OLFM3: variants seen among roughly 807,000 people sequenced by gnomAD.
OLFM3 encodes olfactomedin 3.
In OLFM3, 20 loss-of-function variants were observed where a neutral mutation model predicts 48.6. The observed-to-expected ratio is 0.41, with a 90% CI of 0.29 to 0.60. OLFM3 has a LOEUF of 0.60. Among genes scored for constraint, OLFM3 ranks in the 20% least tolerant of loss-of-function variants. The pLI, the probability that OLFM3 is intolerant of heterozygous loss-of-function variation, is 0.28. For synonymous variants in OLFM3, 222 were observed against 198.1 expected, an observed-to-expected ratio of 1.12 and a Z score of -1.01; for missense variants, 437 against 544.3, an observed-to-expected ratio of 0.80 and a Z score of 1.96.
intron 1 of OLFM3, chr1:101,892,973 A>G (rs532856345): frequency 1.3e-5 from 2 of 152,584 alleles, no homozygotes; most frequent in East Asian, 1.9e-4. Flanking sequence ...AATTTTTTCA[A>G]GTAGATTGTA....
In OLFM3 at chr1:101,938,885, T is replaced by A. The variant is rs557478814; in HGVS notation, c.69+57863A>T. Among the ~76,000 whole-genome samples, 10 of 152,304 alleles carry A rather than the reference T, an allele frequency of 6.6e-5. No individual in the cohort carries two copies. The South Asian group carries it at 1.0e-3, about 16-fold the overall frequency. On this transcript the variant is annotated intron_variant, in intron 1 of 5. Transcript: ENST00000370103. ...CATGTTTGCTAGGATAAATCCCAGA[T>A]GGTTTGTGTGTCTCTATCTAGGGCA...
intron 1 of OLFM3, among the ~76,000 whole-genome samples, chr1:101,849,250 G>C (rs886301341): frequency 6.6e-6 from 1 of 152,242 alleles, no homozygotes; most frequent in Non-Finnish European, 1.5e-5. Context: ...ATAGTTTGCA[G>C]TACTCTCATA....
At chr1:101,910,322 C>T (rs572238031) in intron 1 of OLFM3, among the ~76,000 whole-genome samples, 5 of 152,078 alleles carry the variant, frequency 3.3e-5, no homozygotes, top group East Asian at 1.9e-4. Context: ...AAAAATTAGC[C>T]GGGCGTGGTA....
chr1:101,889,906 G>A (rs116442838), intron 1 of OLFM3, among the ~76,000 whole-genome samples: 4,584 of 151,756 alleles, frequency 0.03, 88 homozygotes, highest in African/African-American at 0.036. Flanking sequence ...CTCAGAAGTC[G>A]TCTTAAGGAA....
intron 1 of OLFM3, among the ~76,000 whole-genome samples, chr1:101,901,930 A>C (rs890605276): frequency 1.3e-5 from 2 of 152,062 alleles, no homozygotes; most frequent in Non-Finnish European, 2.9e-5. Context: ...TTCAGAAGTG[A>C]GGTCATAATA....
intron 1 of OLFM3, among the ~76,000 whole-genome samples, chr1:101,983,080 T>G (rs1661145524): frequency 6.6e-6 from 1 of 152,238 alleles, no homozygotes; most frequent in African/African-American, 2.4e-5. Flanking sequence ...TCCTGAAATA[T>G]TTGGATAATT....
At chr1:101,833,555 G>T (rs1427454481) in intron 2 of OLFM3, among the ~76,000 whole-genome samples, 1 of 152,202 alleles carries the variant, frequency 6.6e-6, no homozygotes, top group African/African-American at 2.4e-5. Context: ...TTCCAGAGGT[G>T]TTTCTGTGAT....
intron 1 of OLFM3, among the ~76,000 whole-genome samples, chr1:101,880,202 G>A (rs1362494831): frequency 2.0e-5 from 3 of 151,692 alleles, no homozygotes; most frequent in Admixed American, 6.6e-5. Flanking sequence ...CATGAACAGG[G>A]TTTCACCACG....
chr1:101,886,459 G>C (rs1320204432), intron 1 of OLFM3, among the ~76,000 whole-genome samples: 1 of 151,996 alleles, frequency 6.6e-6, no homozygotes, highest in East Asian at 1.9e-4. Context: ...AAAATAAAGT[G>C]GTGATGTTTC....
chr1:101,824,263 T>C (rs1042810762), intron 4 of OLFM3, among the ~76,000 whole-genome samples: 14 of 152,294 alleles, frequency 9.2e-5, no homozygotes, highest in African/African-American at 2.9e-4. Flanking sequence ...CTAAATTAAC[T>C]TGTAGCTCCT....
At chr1:101,870,478 T>C (rs912366994) in intron 1 of OLFM3, among the ~76,000 whole-genome samples, 1 of 152,170 alleles carries the variant, frequency 6.6e-6, no homozygotes, top group South Asian at 2.1e-4. Context: ...AGTACCAGTA[T>C]TTGAGATTCC....
At chr1:101,935,940 C>G (rs1659600876) in intron 1 of OLFM3, among the ~76,000 whole-genome samples, 1 of 151,842 alleles carries the variant, frequency 6.6e-6, no homozygotes, top group Non-Finnish European at 1.5e-5. Flanking sequence ...TGTTAAGAAC[C>G]CTCAACAAAC....
chr1:101,872,756 T>G (rs950125747), intron 1 of OLFM3, among the ~76,000 whole-genome samples: 5 of 151,978 alleles, frequency 3.3e-5, no homozygotes, highest in Non-Finnish European at 5.9e-5. Flanking sequence ...AATTACTATA[T>G]TTTAGTAATG....
intron 1 of OLFM3, among the ~76,000 whole-genome samples, chr1:101,932,030 T>C (rs149605088): frequency 1.1e-3 from 170 of 152,250 alleles, no homozygotes; most frequent in African/African-American, 3.9e-3. Flanking sequence ...CATGGCAAAA[T>C]ATGCATGGCT....
intron 1 of OLFM3, among the ~76,000 whole-genome samples, chr1:101,964,175 G>A (rs1487793156): frequency 1.3e-5 from 2 of 152,126 alleles, no homozygotes; most frequent in African/African-American, 4.8e-5. Flanking sequence ...GATGGTGGTT[G>A]TATATGTATG....
chr1:101,828,022 C>CTCTCTGTCTG (rs1460749399), intron 3 of OLFM3, among the ~76,000 whole-genome samples: 70 of 91,290 alleles, frequency 7.7e-4, no homozygotes, highest in Admixed American at 2.3e-3. Flanking sequence ...CTCTCTCTCT[C>CTCTCTGTCTG]TCTCTCTCTC....
At chr1:101,869,084 C>T (rs759456431) in intron 1 of OLFM3, among the ~76,000 whole-genome samples, 2 of 152,190 alleles carry the variant, frequency 1.3e-5, no homozygotes, top group East Asian at 3.8e-4. Context: ...GGGGTCAGAG[C>T]CCCACACAGA....
chr1:101,810,720 A>C (rs1268660946), intron 4 of OLFM3, among the ~76,000 whole-genome samples: 2 of 151,990 alleles, frequency 1.3e-5, no homozygotes, highest in Non-Finnish European at 2.9e-5. Flanking sequence ...TGTAAGGAAT[A>C]GATTGAAACT....
intron 1 of OLFM3, among the ~76,000 whole-genome samples, chr1:101,953,798 G>C (rs943722751): frequency 2.0e-5 from 3 of 152,114 alleles, no homozygotes; most frequent in African/African-American, 7.2e-5. Flanking sequence ...CAGGTACTGT[G>C]ACCCATGTGT....
Sources: gnomAD v4.1 joint callset for allele counts (sites outside exome capture counted in the v4.1 genomes callset) on GRCh38, gnomAD v4.1.1 for gene constraint, MANE v1.5 for transcripts, NCBI Gene and HGNC (gene_info 2026-07-23, HGNC 2026-07-21) for gene names.